IARS2: variants seen among roughly 807,000 people sequenced by gnomAD.
IARS2 encodes the protein isoleucyl-tRNA synthetase 2, mitochondrial.
IARS2 carries 56 observed loss-of-function variants against 126.3 expected under a neutral mutation model. That is an observed-to-expected ratio of 0.44 (90% CI 0.36 to 0.55). The LOEUF is 0.55. Among genes scored for constraint, IARS2 ranks in the 20% least tolerant of loss-of-function variants. The pLI is 0.00. For missense variants in IARS2, 1,127 were observed against 1,245.9 expected (o/e 0.90, Z 1.44); for synonymous variants, 407 against 441.1 (o/e 0.92, Z 0.97).
chr1:220,124,946 A>C (rs1657121753), intron 12 of IARS2, among the ~76,000 whole-genome samples: 1 of 152,246 alleles, frequency 6.6e-6, no homozygotes, highest in African/African-American at 2.4e-5. Context: ...GGTTTAATTT[A>C]GGCAGAAATC....
At position 220,102,531 on chromosome 1, in the gene IARS2, T is replaced by C. The variant is rs777266427; in HGVS notation, c.786T>C (p.Pro262=). ...ALAEAELEYN[P]EHVSRSIYVK... is the part of the protein sequence containing the mutation. ...CTGAAGCAGAACTTGAATATAATCC[T>C]GAGCATGTCAGTCGTTCAATATATG... The change falls in exon 6 of 23, where the codon CCT becomes CCC. Residue 262 remains proline (P), a synonymous_variant. Transcript: ENST00000366922. 8 of 1,614,068 alleles carry C rather than the reference T, an allele frequency of 5.0e-6. No individual in the cohort carries two copies. In the South Asian group the frequency reaches 8.8e-5, roughly 18 times the overall value.
At chr1:220,116,202 C>G (rs1656910698) in intron 12 of IARS2, among the ~76,000 whole-genome samples, 1 of 152,140 alleles carries the variant, frequency 6.6e-6, no homozygotes, top group Non-Finnish European at 1.5e-5. Flanking sequence ...GAGCAAGACA[C>G]TGTCTCTTCA....
chr1:220,130,035 A>G (rs913266302), intron 14 of IARS2, among the ~76,000 whole-genome samples: 1 of 152,140 alleles, frequency 6.6e-6, no homozygotes, highest in African/African-American at 2.4e-5. Context: ...TTTCTTTTTG[A>G]TAATAGCCAT....
chr1:220,135,453 C>G (rs142877733), intron 15 of IARS2, among the ~76,000 whole-genome samples: 1 of 151,838 alleles, frequency 6.6e-6, no homozygotes, highest in African/African-American at 2.4e-5. Flanking sequence ...CTCTGTCTCC[C>G]GGGTTCAAGC....
intron 12 of IARS2, among the ~76,000 whole-genome samples, chr1:220,124,726 A>G (rs1481655610): frequency 6.6e-6 from 1 of 152,220 alleles, no homozygotes; most frequent in Admixed American, 6.5e-5. Context: ...AGTCCTGGAA[A>G]GTTTTCAAGC....
In IARS2 at chr1:220,100,540, A is replaced by G. The variant is rs1222379906; in HGVS notation, c.441A>G (p.Ile147Met). 6.2e-7 allele frequency: 1 copy of G among 1,613,448 alleles called. No homozygotes were observed. ...NRFHMMNGSK[I>M]HFVPGWDCHG... ...TCCATATGATGAATGGCTCCAAAAT[A>G]CATTTTGTGCCCGGCTGGGATTGTC... Residue 147 changes from isoleucine (I) to methionine (M), a missense_variant, in exon 3 of 23, where the codon ATA (isoleucine) becomes ATG (methionine). Physicochemically the swap from Ile to Met is conservative, Grantham distance 10 (BLOSUM62 1). Coordinates refer to ENST00000366922, the MANE Select transcript of IARS2 (RefSeq NM_018060.4).
chr1:220,129,821 T>A (rs1657223313), intron 14 of IARS2, among the ~76,000 whole-genome samples: 1 of 152,244 alleles, frequency 6.6e-6, no homozygotes, highest in South Asian at 2.1e-4. Context: ...AACATGGAGA[T>A]GCAGGTATCC....
rs115212411 is a variant in IARS2, at chr1:220,125,352, T to C, written c.1743+13T>C. The stretch of plus-strand genomic sequence containing the variant: ...AGTCTTATCTGAGGTAAATTTCTGT[T>C]TGTATTTAACAGCCTTTGTATGTAT... On this transcript the variant is annotated intron_variant, in intron 13 of 22. Transcript: ENST00000366922. The C allele has an allele frequency of 5.0e-4, 775 of 1,548,258 alleles. 1 individual carries two copies. The highest frequency in any genetic ancestry group is 6.5e-4 in the Non-Finnish European group (726 of 1,120,476).
At chr1:220,134,872 A>G (rs1657342929) in intron 15 of IARS2, 1 of 155,032 alleles carries the variant, frequency 6.5e-6, no homozygotes, top group East Asian at 1.9e-4. Flanking sequence ...GGCTCAAGCA[A>G]TCCTCCTGCT....
At chr1:220,140,055 T>G in intron 18 of IARS2, 128 bp from the exon 19 acceptor site, 1 of 663,556 alleles carries the variant, frequency 1.5e-6, no homozygotes, top group Non-Finnish European at 2.7e-6. Context: ...CAGGAGTTCT[T>G]GCATATTGCC....
chr1:220,095,805 G>C (rs1248019384), intron 1 of IARS2, among the ~76,000 whole-genome samples: 2 of 152,224 alleles, frequency 1.3e-5, no homozygotes, highest in African/African-American at 2.4e-5. Flanking sequence ...CATGGGGAGT[G>C]ATGAAAGAAT....
At chr1:220,131,497 A>G (rs954510341) in intron 14 of IARS2, among the ~76,000 whole-genome samples, 3 of 152,064 alleles carry the variant, frequency 2.0e-5, no homozygotes, top group African/African-American at 7.2e-5. Context: ...GACTACAGGC[A>G]TGAGCCATCA....
At chr1:220,104,817 A>G (rs1452161059) in intron 8 of IARS2, among the ~76,000 whole-genome samples, 1 of 152,142 alleles carries the variant, frequency 6.6e-6, no homozygotes, top group Non-Finnish European at 1.5e-5. Flanking sequence ...TATAGACGTG[A>G]GCCACCATGC....
intron 12 of IARS2, among the ~76,000 whole-genome samples, chr1:220,115,722 T>C (rs1166685861): frequency 1.3e-5 from 2 of 152,266 alleles, no homozygotes; most frequent in East Asian, 1.9e-4. Context: ...TCTGTGAGCT[T>C]TGGAGAATGG....
At chr1:220,139,612 G>A (rs879924175) in intron 18 of IARS2, among the ~76,000 whole-genome samples, 5 of 152,114 alleles carry the variant, frequency 3.3e-5, no homozygotes, top group African/African-American at 1.2e-4. Flanking sequence ...TTAGCCAGGC[G>A]TGTTAGCCAG....
At chr1:220,120,503 A>G (rs1446759314) in intron 12 of IARS2, among the ~76,000 whole-genome samples, 1 of 151,724 alleles carries the variant, frequency 6.6e-6, no homozygotes, top group Non-Finnish European at 1.5e-5. Flanking sequence ...GCACCCCCCA[A>G]GTAGCTGAGA....
chr1:220,106,383 T>C (rs1332738615), intron 9 of IARS2, among the ~76,000 whole-genome samples: 1 of 152,174 alleles, frequency 6.6e-6, no homozygotes, highest in African/African-American at 2.4e-5. Context: ...AACAGTCCTT[T>C]CTACATTTAC....
chr1:220,145,328 A>G (rs948394125), intron 21 of IARS2, among the ~76,000 whole-genome samples, 181 bp from the exon 22 acceptor site: 12 of 152,210 alleles, frequency 7.9e-5, no homozygotes, highest in African/African-American at 2.9e-4. Context: ...GTTGATGGAA[A>G]TATTTAGTTA....
chr1:220,145,704 T>A (rs759967298), intron 22 of IARS2, 51 bp downstream of exon 22: 20 of 1,490,746 alleles, frequency 1.3e-5, no homozygotes, highest in African/African-American at 4.2e-5. Flanking sequence ...TGAATAATTA[T>A]AGGTCATCTC....
Sources: allele counts gnomAD v4.1 joint callset (sites outside exome capture counted in the v4.1 genomes callset), GRCh38; gene constraint gnomAD v4.1.1; transcripts MANE v1.5; gene names NCBI Gene and HGNC (gene_info 2026-07-23, HGNC 2026-07-21).